MYO1D: variants seen among roughly 807,000 people sequenced by gnomAD.
MYO1D encodes the protein unconventional myosin-Id.
Under a neutral mutation model 122.0 loss-of-function variants are expected in MYO1D, and 83 were observed. The observed-to-expected ratio is 0.68, with a 90% CI of 0.57 to 0.82. The LOEUF is 0.82. Among genes scored for constraint, MYO1D ranks in the 40% least tolerant of loss-of-function variants. The pLI is 0.00. For missense variants in MYO1D, 1,157 were observed against 1,269.5 expected (o/e 0.91, Z 1.35); for synonymous variants, 464 against 446.9 (o/e 1.04, Z -0.48).
chr17:32,536,655 G>C (rs1203445738), intron 21 of MYO1D, among the ~76,000 whole-genome samples: 1 of 152,068 alleles, frequency 6.6e-6, no homozygotes, highest in Non-Finnish European at 1.5e-5. Flanking sequence ...ATTTAAGCTG[G>C]GAAATTAATG....
chr17:32,528,451 G>C (rs1369181831), intron 21 of MYO1D, among the ~76,000 whole-genome samples: 1 of 152,060 alleles, frequency 6.6e-6, no homozygotes, highest in African/African-American at 2.4e-5. Context: ...ATATGTGTGT[G>C]TGCGTATGTG....
At chr17:32,853,389 C>A (rs938246544) in intron 1 of MYO1D, among the ~76,000 whole-genome samples, 3 of 152,214 alleles carry the variant, frequency 2.0e-5, no homozygotes, top group Non-Finnish European at 4.4e-5. Context: ...AATAAAAAAT[C>A]TTTAGCATAG....
Position 32,653,832 on chromosome 17 carries a change from G to GCTTGC in MYO1D, c.2595+6_2595+10dup. ...TCCTTTCCAAGATGATCTGGTTTAA[G>GCTTGC]CTTGCCTTACCTTACGGACGTGACA... On this transcript the variant is annotated intron_variant, in intron 19 of 21. Coordinates refer to ENST00000318217, the MANE Select transcript of MYO1D (RefSeq NM_015194.3). 2 of 1,604,572 alleles carry GCTTGC rather than the reference G, an allele frequency of 1.2e-6. No homozygotes were observed. Among genetic ancestry groups the GCTTGC allele is most frequent in the South Asian group, 1.1e-5 (1 of 90,786 alleles).
chr17:32,552,996 G>C lies in MYO1D; in HGVS notation c.2864+52091C>G, dbSNP rs535514337. On this transcript the variant is annotated intron_variant, in intron 21 of 21. Coordinates refer to ENST00000318217, the MANE Select transcript of MYO1D (RefSeq NM_015194.3). The stretch of plus-strand genomic sequence containing the variant: ...TCACGCCCATAATCCCAGCACTCTG[G>C]GAGGCTGAGGCAGGAGGACTGCTTG... Among the ~76,000 whole-genome samples the C allele has an allele frequency of 1.3e-4, 20 of 151,942 alleles. No individual in the cohort carries two copies. In the South Asian group the frequency reaches 3.9e-3, roughly 30 times the overall value.
intron 21 of MYO1D, among the ~76,000 whole-genome samples, chr17:32,522,065 G>C (rs1487542690): frequency 9.1e-6 from 1 of 110,006 alleles, no homozygotes; most frequent in Non-Finnish European, 1.7e-5. Context: ...CTGGGCGACA[G>C]AGTGAGACTC....
intron 21 of MYO1D, chr17:32,594,450 C>A: frequency 2.1e-6 from 1 of 473,784 alleles, no homozygotes; most frequent in Non-Finnish European, 3.8e-6. Context: ...TAATTGAACA[C>A]TTTTGTTTGT....
chr17:32,689,545 G>A (rs1035800344), intron 16 of MYO1D, among the ~76,000 whole-genome samples: 6 of 152,232 alleles, frequency 3.9e-5, no homozygotes, highest in Admixed American at 2.6e-4. Flanking sequence ...GACTCATCAC[G>A]TCCTCTTCAG....
At chr17:32,681,309 G>T (rs1598002302) in intron 16 of MYO1D, among the ~76,000 whole-genome samples, 1 of 141,322 alleles carries the variant, frequency 7.1e-6, no homozygotes, top group Non-Finnish European at 1.5e-5. Context: ...GAATGTGCTT[G>T]CTCTTGCTTT....
At chr17:32,841,257 A>G (rs929850390) in intron 1 of MYO1D, among the ~76,000 whole-genome samples, 1 of 152,156 alleles carries the variant, frequency 6.6e-6, no homozygotes. Flanking sequence ...ACTTGAGCCC[A>G]GGAGTTCAAG....
At position 32,554,488 on chromosome 17, in the gene MYO1D, A is replaced by C. The variant is rs150134408; in HGVS notation, c.2864+50599T>G. ...GAAATTTATAATATAAAAATTATTA[A>C]AATTTGTAAAAGTACTGAAGAATGG... On this transcript the variant is annotated intron_variant, in intron 21 of 21. Coordinates refer to ENST00000318217, the MANE Select transcript of MYO1D (RefSeq NM_015194.3). Among the ~76,000 whole-genome samples the C allele has an allele frequency of 1.6e-3, 242 of 152,344 alleles. 1 individual carries two copies. Among genetic ancestry groups the C allele is most frequent in the African/African-American group, 5.4e-3 (226 of 41,576 alleles).
At chr17:32,740,638 T>G (rs1457335843) in intron 13 of MYO1D, among the ~76,000 whole-genome samples, 2 of 152,030 alleles carry the variant, frequency 1.3e-5, no homozygotes, top group African/African-American at 4.8e-5. Context: ...CCACCATGCC[T>G]GGCTAACTTT....
chr17:32,560,551 A>C (rs866292328), intron 21 of MYO1D, among the ~76,000 whole-genome samples: 7,107 of 121,278 alleles, frequency 0.059, 867 homozygotes, highest in African/African-American at 0.078. Context: ...ATATATATAT[A>C]TATATATATA....
chr17:32,700,731 G>GTCAGGAGT (rs1471568131), intron 16 of MYO1D, among the ~76,000 whole-genome samples: 1 of 152,084 alleles, frequency 6.6e-6, no homozygotes, highest in East Asian at 1.9e-4. Flanking sequence ...ATCACTTGAG[G>GTCAGGAGT]TCAGGAGTTC....
intron 16 of MYO1D, among the ~76,000 whole-genome samples, chr17:32,701,556 T>A (rs1378308323): frequency 6.6e-6 from 1 of 152,154 alleles, no homozygotes; most frequent in Non-Finnish European, 1.5e-5. Context: ...ATTACTCTTT[T>A]TAAAATTTAT....
intron 21 of MYO1D, chr17:32,512,869 C>G (rs1718295992): frequency 6.6e-6 from 1 of 152,278 alleles, no homozygotes; most frequent in Non-Finnish European, 1.5e-5. Flanking sequence ...ATGAGCTGCC[C>G]TTTGGAGGAT....
chr17:32,550,805 G>A (rs1450955947), intron 21 of MYO1D, among the ~76,000 whole-genome samples: 2 of 152,122 alleles, frequency 1.3e-5, no homozygotes, highest in African/African-American at 4.8e-5. Flanking sequence ...AGACCAGCCT[G>A]GGTAATGTAG....
intron 16 of MYO1D, among the ~76,000 whole-genome samples, chr17:32,673,635 C>T (rs926730685): frequency 3.9e-5 from 6 of 152,162 alleles, no homozygotes; most frequent in African/African-American, 1.2e-4. Flanking sequence ...GAGGCTAATG[C>T]CTGTATTCCC....
At chr17:32,715,257 T>A (rs1043828712) in intron 15 of MYO1D, among the ~76,000 whole-genome samples, 1 of 152,192 alleles carries the variant, frequency 6.6e-6, no homozygotes, top group African/African-American at 2.4e-5. Flanking sequence ...AGTGTGGTGA[T>A]TCCTCAAAGA....
At chr17:32,805,959 A>G (rs1446323160) in intron 1 of MYO1D, among the ~76,000 whole-genome samples, 1 of 152,170 alleles carries the variant, frequency 6.6e-6, no homozygotes, top group Non-Finnish European at 1.5e-5. Context: ...GTTCATGATT[A>G]TTATAAAGTA....
Sources: gnomAD v4.1 joint callset for allele counts (sites outside exome capture counted in the v4.1 genomes callset) on GRCh38, gnomAD v4.1.1 for gene constraint, MANE v1.5 for transcripts, NCBI Gene and HGNC (gene_info 2026-07-23, HGNC 2026-07-21) for gene names.